Variants in TSPAN5 observed in about 807,000 individuals in gnomAD.
TSPAN5 encodes tetraspanin 5.
TSPAN5 carries 10 observed loss-of-function variants against 37.1 expected under a neutral mutation model. The ratio of observed to expected loss-of-function variants is 0.27; its 90% confidence interval spans 0.17 to 0.46. TSPAN5 has a LOEUF of 0.46. TSPAN5 is among the 20% of genes least tolerant of loss of function. The pLI, the probability that TSPAN5 is intolerant of heterozygous loss-of-function variation, is 1.00. For missense variants in TSPAN5, 195 were observed against 326.6 expected (o/e 0.60, Z 3.11); for synonymous variants, 110 against 118.9 (o/e 0.93, Z 0.48).
chr4:98,565,555 G>T (rs549419574), intron 1 of TSPAN5, among the ~76,000 whole-genome samples: 2 of 152,260 alleles, frequency 1.3e-5, no homozygotes, highest in Admixed American at 1.3e-4. Flanking sequence ...TTGCTGAAAA[G>T]AATAATGATT....
In TSPAN5 at chr4:98,478,717, C is replaced by T. The variant is rs762215531; in HGVS notation, c.544G>A (p.Val182Ile). The T allele has an allele frequency of 3.1e-6, 5 of 1,614,002 alleles. No individual in the cohort carries two copies. Among genetic ancestry groups the T allele is most frequent in the African/African-American group, 1.3e-5 (1 of 74,896 alleles). Residue 182 changes from valine to isoleucine, a missense_variant, in exon 5 of 8, where the codon GTT becomes ATT. Val to Ile is a conservative substitution (Grantham distance 29). Coordinates refer to ENST00000305798, the MANE Select transcript of TSPAN5 (RefSeq NM_005723.4). ...TCTTTAGTGCAGCAGGAGAATGGAACGCCACATCGCTCTCGACTTGCATTG... is the reference window on the plus strand; with the variant it reads ...TCTTTAGTGCAGCAGGAGAATGGAATGCCACATCGCTCTCGACTTGCATTG... Reference protein sequence around the residue: ...DSNASRERCGVPFSCCTKDPA... With the variant: ...DSNASRERCGIPFSCCTKDPA...
At chr4:98,539,164 A>T (rs1754303224) in intron 1 of TSPAN5, among the ~76,000 whole-genome samples, 1 of 151,626 alleles carries the variant, frequency 6.6e-6, no homozygotes, top group Non-Finnish European at 1.5e-5. Context: ...AAACCAAAAA[A>T]CCTTTTATGT....
intron 1 of TSPAN5, among the ~76,000 whole-genome samples, chr4:98,623,761 C>A (rs1756532132): frequency 6.6e-6 from 1 of 152,114 alleles, no homozygotes; most frequent in African/African-American, 2.4e-5. Flanking sequence ...AACATTAATA[C>A]AAAATTGGGA....
intron 1 of TSPAN5, among the ~76,000 whole-genome samples, chr4:98,581,389 C>G (rs1405238929): frequency 6.6e-6 from 1 of 151,984 alleles, no homozygotes; most frequent in Non-Finnish European, 1.5e-5. Context: ...CTACTAGATG[C>G]AAAAATGTAT....
intron 2 of TSPAN5, among the ~76,000 whole-genome samples, chr4:98,490,383 A>G (rs1032404608): frequency 1.3e-5 from 2 of 152,210 alleles, no homozygotes; most frequent in African/African-American, 4.8e-5. Context: ...TGGAGGATAA[A>G]AATTGGCTTC....
At chr4:98,555,859 C>G (rs1318352403) in intron 1 of TSPAN5, among the ~76,000 whole-genome samples, 1 of 152,120 alleles carries the variant, frequency 6.6e-6, no homozygotes, top group African/African-American at 2.4e-5. Flanking sequence ...CTGACCTACC[C>G]TGTTAAACAA....
intron 2 of TSPAN5, among the ~76,000 whole-genome samples, chr4:98,494,330 T>C (rs1578944915): frequency 6.6e-6 from 1 of 151,962 alleles, no homozygotes; most frequent in East Asian, 2.0e-4. Context: ...ACTCAGAAAG[T>C]GGGGTAGCCT....
At chr4:98,572,597 GTTCA>G (rs1755150722) in intron 1 of TSPAN5, among the ~76,000 whole-genome samples, 1 of 152,238 alleles carries the variant, frequency 6.6e-6, no homozygotes, top group Admixed American at 6.5e-5. Context: ...TTCAGAAAGA[GTTCA>G]TTCAAAGTGA....
intron 1 of TSPAN5, among the ~76,000 whole-genome samples, chr4:98,517,536 G>A (rs990567869): frequency 6.6e-6 from 1 of 152,048 alleles, no homozygotes; most frequent in African/African-American, 2.4e-5. Context: ...AGAAGGCCAG[G>A]CACCCCTTGA....
intron 1 of TSPAN5, among the ~76,000 whole-genome samples, chr4:98,657,913 C>T (rs1249831270): frequency 6.6e-6 from 1 of 152,168 alleles, no homozygotes; most frequent in Non-Finnish European, 1.5e-5. Flanking sequence ...ACCAGAAGGC[C>T]TCGGTGCCCC....
At chr4:98,528,053 C>A (rs1041453283) in intron 1 of TSPAN5, among the ~76,000 whole-genome samples, 2 of 152,242 alleles carry the variant, frequency 1.3e-5, no homozygotes, top group African/African-American at 4.8e-5. Flanking sequence ...ACCCAATTGC[C>A]CAACAGGCAG....
At position 98,471,555 on chromosome 4, in the gene TSPAN5, A is replaced by C. The variant is rs962492156; in HGVS notation, c.*967T>G. 6.6e-6 allele frequency: 1 copy of C among 152,258 alleles called. No homozygotes were observed. Among genetic ancestry groups the C allele is most frequent in the Non-Finnish European group, 1.5e-5 (1 of 68,032 alleles). 9.4% of individuals were successfully genotyped at this position (152,258 alleles called of 1,614,324 possible). ...ATGGATTCAGATTCACAGGTCATGC[A>C]GATTAAGACTTAATCAAAAATTAAT... On this transcript the variant is annotated 3_prime_UTR_variant, in exon 8 of 8. Transcript: ENST00000305798.
chr4:98,615,036 C>T (rs1024366238), intron 1 of TSPAN5, among the ~76,000 whole-genome samples: 1 of 152,208 alleles, frequency 6.6e-6, no homozygotes, highest in Non-Finnish European at 1.5e-5. Flanking sequence ...TCACAGTCAC[C>T]GTAGCAGAAA....
intron 1 of TSPAN5, among the ~76,000 whole-genome samples, chr4:98,549,307 T>TGGA (rs200119832): frequency 6.8e-6 from 1 of 146,370 alleles, no homozygotes; most frequent in African/African-American, 2.6e-5. Context: ...TTTTTGTTTT[T>TGGA]TTTTGTTTTT....
At chr4:98,549,276 T>G (rs1170868154) in intron 1 of TSPAN5, among the ~76,000 whole-genome samples, 1 of 146,710 alleles carries the variant, frequency 6.8e-6, no homozygotes, top group Non-Finnish European at 1.5e-5. Context: ...TGTGGTTGTT[T>G]TATTTTTGTT....
rs1754627077 is a variant in TSPAN5, at chr4:98,551,918, T to C, written c.82-44190A>G. Among the ~76,000 whole-genome samples the C allele has an allele frequency of 3.3e-5, 5 of 152,176 alleles. No individual in the cohort carries two copies. In the South Asian group the frequency reaches 1.0e-3, roughly 32 times the overall value. ...TCATCATTGGTCTGTGCAGGGCTTC[T>C]ATTTCTTCAATCTCAGGAGGTTGTG... On this transcript the variant is annotated intron_variant, in intron 1 of 7. Coordinates refer to ENST00000305798, the MANE Select transcript of TSPAN5 (RefSeq NM_005723.4).
At chr4:98,496,888 T>G (rs1753224086) in intron 2 of TSPAN5, among the ~76,000 whole-genome samples, 3 of 152,226 alleles carry the variant, frequency 2.0e-5, no homozygotes, top group Admixed American at 2.0e-4. Context: ...TGGTATGGAC[T>G]AAATGTTCGT....
intron 1 of TSPAN5, among the ~76,000 whole-genome samples, chr4:98,516,646 G>C (rs1753737094): frequency 1.3e-5 from 2 of 152,192 alleles, no homozygotes; most frequent in Non-Finnish European, 2.9e-5. Context: ...CCCCAATGTG[G>C]TGGTGTCAGA....
At position 98,636,027 on chromosome 4, in the gene TSPAN5, A is replaced by G. The variant is rs541223015; in HGVS notation, c.81+22119T>C. Among the ~76,000 whole-genome samples, 13 of 152,366 alleles carry G rather than the reference A, an allele frequency of 8.5e-5. No homozygotes were observed. The South Asian group carries it at 2.3e-3, about 27-fold the overall frequency. ...CAGCAGCTAATCAAGCCCTGAGCTA[A>G]GTGCTTTGTACTCATTACCTCTTTA... On this transcript the variant is annotated intron_variant, in intron 1 of 7. Transcript: ENST00000305798.
Sources: allele counts gnomAD v4.1 joint callset (sites outside exome capture counted in the v4.1 genomes callset), GRCh38; gene constraint gnomAD v4.1.1; transcripts MANE v1.5; gene names NCBI Gene and HGNC (gene_info 2026-07-23, HGNC 2026-07-21).